Variants in RSU1 observed in about 807,000 individuals in gnomAD.
The protein encoded by RSU1 is Ras suppressor protein 1, also known as rsu-1.
RSU1 carries 26 observed loss-of-function variants against 31.1 expected under a neutral mutation model. The observed-to-expected ratio is 0.84, with a 90% CI of 0.61 to 1.16. The LOEUF is 1.16. Among genes scored for constraint, RSU1 ranks in the 50% most tolerant of loss-of-function variants. The pLI is 0.00. For missense variants in RSU1, 320 were observed against 339.1 expected (o/e 0.94, Z 0.44); for synonymous variants, 164 against 136.3 (o/e 1.20, Z -1.41).
chr10:16,716,187 G>A lies in RSU1; in HGVS notation c.599-21032C>T, dbSNP rs536470533. Among the ~76,000 whole-genome samples the A allele has an allele frequency of 7.9e-5, 12 of 152,304 alleles. No individual in the cohort carries two copies. In the East Asian group the frequency reaches 1.2e-3, roughly 15 times the overall value. On this transcript the variant is annotated intron_variant, in intron 7 of 8. Coordinates refer to ENST00000345264, the MANE Select transcript of RSU1 (RefSeq NM_012425.4). ...GTTCAAATGTAGGAAAAGGAAGAAC[G>A]GGTCTAGATAGGGCATCAGAGAGAC...
At chr10:16,656,426 T>G (rs1278458942) in intron 8 of RSU1, among the ~76,000 whole-genome samples, 1 of 152,222 alleles carries the variant, frequency 6.6e-6, no homozygotes, top group African/African-American at 2.4e-5. Context: ...TTGTTTCCAA[T>G]TGTTAGTATT....
chr10:16,712,680 G>A (rs1836045754), intron 7 of RSU1, among the ~76,000 whole-genome samples: 1 of 152,072 alleles, frequency 6.6e-6, no homozygotes, highest in African/African-American at 2.4e-5. Context: ...CACTAAGTGT[G>A]GTTGTTGTTG....
At chr10:16,700,835 C>T (rs1334921579) in intron 7 of RSU1, among the ~76,000 whole-genome samples, 1 of 152,144 alleles carries the variant, frequency 6.6e-6, no homozygotes, top group Non-Finnish European at 1.5e-5. Context: ...AAATGCTATT[C>T]AGTTATTAAA....
intron 8 of RSU1, among the ~76,000 whole-genome samples, chr10:16,634,657 CAG>C (rs200646825): frequency 2.8e-3 from 424 of 152,294 alleles, no homozygotes; most frequent in African/African-American, 9.8e-3. Context: ...AAAATGTACA[CAG>C]AGGTGTCTTT....
chr10:16,814,722 A>G (rs1317099992), intron 2 of RSU1, among the ~76,000 whole-genome samples: 1 of 152,170 alleles, frequency 6.6e-6, no homozygotes, highest in Admixed American at 6.5e-5. Flanking sequence ...CTTCCACCCA[A>G]CTTCCCAAAA....
At chr10:16,684,031 T>C (rs11254141) in intron 8 of RSU1, among the ~76,000 whole-genome samples, 54,209 of 152,032 alleles carry the variant, frequency 0.36, 10,300 homozygotes, top group African/African-American at 0.48. Context: ...TGGCTGTCCT[T>C]AGAGACAACA....
intron 8 of RSU1, among the ~76,000 whole-genome samples, chr10:16,644,268 T>C (rs1028912582): frequency 6.6e-6 from 1 of 152,158 alleles, no homozygotes; most frequent in African/African-American, 2.4e-5. Flanking sequence ...TTACAAATTA[T>C]ATAGGAAGTT....
intron 8 of RSU1, among the ~76,000 whole-genome samples, chr10:16,672,468 G>A (rs1429357161): frequency 6.6e-6 from 1 of 152,112 alleles, no homozygotes; most frequent in Non-Finnish European, 1.5e-5. Context: ...TAAGCCTAAC[G>A]TCCACCAGCA....
At chr10:16,800,451 C>A (rs891308149) in intron 2 of RSU1, among the ~76,000 whole-genome samples, 7 of 152,218 alleles carry the variant, frequency 4.6e-5, no homozygotes, top group African/African-American at 1.7e-4. Flanking sequence ...AAGAGCGCCT[C>A]TGACTGGCTC....
At chr10:16,777,010 G>A (rs1443854309) in intron 3 of RSU1, among the ~76,000 whole-genome samples, 5 of 151,790 alleles carry the variant, frequency 3.3e-5, no homozygotes, top group Non-Finnish European at 7.4e-5. Context: ...GGGTTTTGCT[G>A]TTGGAATAAA....
intron 7 of RSU1, among the ~76,000 whole-genome samples, chr10:16,699,154 C>T (rs925320266): frequency 2.6e-5 from 4 of 152,228 alleles, no homozygotes; most frequent in African/African-American, 7.2e-5. Context: ...GAAATGGAAA[C>T]CGCGCGAGCG....
At chr10:16,697,230 A>G (rs1262935242) in intron 7 of RSU1, among the ~76,000 whole-genome samples, 4 of 152,142 alleles carry the variant, frequency 2.6e-5, no homozygotes, top group African/African-American at 9.7e-5. Flanking sequence ...AGCTCAATAT[A>G]TCTCTCTTAA....
In RSU1 at chr10:16,695,170, A is replaced by AGGGG. The variant is rs770924888; in HGVS notation, c.599-16_599-15insCCCC. On this transcript the variant is annotated splice_polypyrimidine_tract_variant and intron_variant, in intron 7 of 8. Coordinates refer to ENST00000345264, the MANE Select transcript of RSU1 (RefSeq NM_012425.4). Reference sequence around the variant, plus strand: ...ATCCAAGTTTCCTGGGGGGGGGGAAAAAAAAAGTGAAGGTCACTTCATCCA... The same window carrying AGGGG: ...ATCCAAGTTTCCTGGGGGGGGGGAAAGGGGAAAAAAGTGAAGGTCACTTCATCCA... The AGGGG allele has an allele frequency of 3.4e-3, 4,653 of 1,367,476 alleles. 57 individuals are homozygous for AGGGG. The highest frequency in any genetic ancestry group is 0.012 in the African/African-American group (774 of 63,600). The allele number at this position is 1,367,476 out of a possible 1,614,324, so 84.7% of individuals were successfully genotyped here.
chr10:16,747,215 C>A (rs1836873746), intron 7 of RSU1, among the ~76,000 whole-genome samples: 1 of 152,152 alleles, frequency 6.6e-6, no homozygotes, highest in Non-Finnish European at 1.5e-5. Context: ...GTGCTTCAGG[C>A]TCAATCTTTC....
At chr10:16,796,338 C>G (rs1838031455) in intron 2 of RSU1, among the ~76,000 whole-genome samples, 1 of 152,148 alleles carries the variant, frequency 6.6e-6, no homozygotes, top group Non-Finnish European at 1.5e-5. Flanking sequence ...TGTGTTTCTT[C>G]TGATCTGCTC....
At chr10:16,633,304 C>T (rs1303133600) in intron 8 of RSU1, among the ~76,000 whole-genome samples, 1 of 152,100 alleles carries the variant, frequency 6.6e-6, no homozygotes, top group African/African-American at 2.4e-5. Context: ...ATCAGCCGAA[C>T]ATGGGAAACG....
intron 4 of RSU1, among the ~76,000 whole-genome samples, chr10:16,762,225 A>G (rs1393847671): frequency 1.3e-5 from 2 of 152,150 alleles, no homozygotes; most frequent in African/African-American, 4.8e-5. Flanking sequence ...AATTATGATG[A>G]TAACAATAGC....
At chr10:16,602,820 C>G (rs924586230) in intron 8 of RSU1, among the ~76,000 whole-genome samples, 1 of 152,132 alleles carries the variant, frequency 6.6e-6, no homozygotes, top group Non-Finnish European at 1.5e-5. Context: ...CTGTAATCTT[C>G]CGGTAGGATG....
rs573772407 is a variant in RSU1 at position 16,693,200 on chromosome 10, G to A, written c.731+1823C>T. Among the ~76,000 whole-genome samples the A allele has an allele frequency of 1.5e-4, 23 of 152,256 alleles. No individual in the cohort carries two copies. In the South Asian group the frequency reaches 2.5e-3, roughly 16 times the overall value. ...ACTCCTGACCTCAAGTGATCCACCC[G>A]CCTTGCCTTCCCAAAGTGTTGGGGT... On this transcript the variant is annotated intron_variant, in intron 8 of 8. Transcript: ENST00000345264.
Sources: gnomAD v4.1 joint callset for allele counts (sites outside exome capture counted in the v4.1 genomes callset) on GRCh38, gnomAD v4.1.1 for gene constraint, MANE v1.5 for transcripts, NCBI Gene and HGNC (gene_info 2026-07-23, HGNC 2026-07-21) for gene names.